CCSER1: variants seen among roughly 807,000 people sequenced by gnomAD.
The protein encoded by CCSER1 is serine-rich coiled-coil domain-containing protein 1.
CCSER1 carries 41 observed loss-of-function variants against 82.0 expected under a neutral mutation model. That is an observed-to-expected ratio of 0.50 (90% CI 0.39 to 0.65). The LOEUF (loss-of-function observed/expected upper bound fraction) is 0.65. Among genes scored for constraint, CCSER1 ranks in the 30% least tolerant of loss-of-function variants. CCSER1 has a pLI of 0.00. For missense variants in CCSER1, 1,119 were observed against 1,064.2 expected, an observed-to-expected ratio of 1.05 and a Z score of -0.72; for synonymous variants, 414 against 383.9, an observed-to-expected ratio of 1.08 and a Z score of -0.92.
intron 1 of CCSER1, among the ~76,000 whole-genome samples, chr4:90,157,692 A>G (rs943490072): frequency 1.2e-4 from 18 of 150,878 alleles, no homozygotes; most frequent in Non-Finnish European, 2.1e-4. Flanking sequence ...TGCATTCTTC[A>G]CGTAGTTCTT....
chr4:90,503,529 A>G (rs1485935531), intron 5 of CCSER1, among the ~76,000 whole-genome samples: 1 of 152,140 alleles, frequency 6.6e-6, no homozygotes, highest in Non-Finnish European at 1.5e-5. Flanking sequence ...GTCATTTAAC[A>G]TTAGGTATAT....
chr4:90,182,986 A>G (rs1344997296), intron 1 of CCSER1, among the ~76,000 whole-genome samples: 3 of 152,046 alleles, frequency 2.0e-5, no homozygotes, highest in Non-Finnish European at 4.4e-5. Flanking sequence ...ACACAAAAAT[A>G]TTTTTTATTT....
rs556309819 is a variant in CCSER1 at position 90,643,615 on chromosome 4, C to G, written c.1932+15383C>G. Among the ~76,000 whole-genome samples, 4 of 152,260 alleles carry G rather than the reference C, an allele frequency of 2.6e-5. No homozygotes were observed. The South Asian group carries it at 8.3e-4, about 32-fold the overall frequency. On this transcript the variant is annotated intron_variant, in intron 6 of 10. Coordinates refer to ENST00000509176, the MANE Select transcript of CCSER1 (RefSeq NM_001145065.2). ...GCATGGAACAGTGTTGGACACATAG[C>G]AAATGCTCAATACGTATTAGATATT... is the stretch of plus-strand genomic sequence containing the variant.
intron 10 of CCSER1, among the ~76,000 whole-genome samples, chr4:91,158,922 T>G (rs1439325020): frequency 6.6e-6 from 1 of 151,914 alleles, no homozygotes; most frequent in Admixed American, 6.6e-5. Flanking sequence ...AAAACATCAC[T>G]CCCTTTAAAC....
At chr4:91,331,963 A>C (rs948748673) in intron 10 of CCSER1, among the ~76,000 whole-genome samples, 2 of 152,150 alleles carry the variant, frequency 1.3e-5, no homozygotes, top group Admixed American at 6.6e-5. Flanking sequence ...AATTAGGCTG[A>C]TACATATACA....
chr4:90,977,022 TTGAG>T (rs1561438652), intron 9 of CCSER1, among the ~76,000 whole-genome samples: 1 of 151,506 alleles, frequency 6.6e-6, no homozygotes, highest in Non-Finnish European at 1.5e-5. Context: ...ATAGAAAAAA[TTGAG>T]TGAAGCTTCC....
At chr4:90,699,280 A>G (rs1170585925) in intron 6 of CCSER1, among the ~76,000 whole-genome samples, 1 of 152,058 alleles carries the variant, frequency 6.6e-6, no homozygotes, top group Admixed American at 6.6e-5. Context: ...GCTGGCGAAC[A>G]TGGCAAAATC....
chr4:90,437,582 T>G (rs955286700), intron 4 of CCSER1, among the ~76,000 whole-genome samples: 2 of 152,174 alleles, frequency 1.3e-5, no homozygotes, highest in Non-Finnish European at 2.9e-5. Flanking sequence ...TTCCTGGTTT[T>G]GGGAAGGTTC....
chr4:90,282,181 A>G (rs1728980694), intron 1 of CCSER1, among the ~76,000 whole-genome samples: 1 of 151,968 alleles, frequency 6.6e-6, no homozygotes, highest in African/African-American at 2.4e-5. Flanking sequence ...TTGAATAAAT[A>G]TGTTTGAGTG....
At chr4:91,169,070 C>G (rs1732477628) in intron 10 of CCSER1, among the ~76,000 whole-genome samples, 1 of 152,038 alleles carries the variant, frequency 6.6e-6, no homozygotes, top group South Asian at 2.1e-4. Context: ...TGGAAGGCCA[C>G]AGGGACCTCT....
intron 1 of CCSER1, among the ~76,000 whole-genome samples, chr4:90,141,685 A>G (rs1162770470): frequency 1.3e-5 from 2 of 152,266 alleles, no homozygotes; most frequent in Non-Finnish European, 2.9e-5. Flanking sequence ...ACTGGTAAAT[A>G]AAGTTGCAGA....
At chr4:90,750,448 A>C (rs1748412881) in intron 7 of CCSER1, among the ~76,000 whole-genome samples, 1 of 152,080 alleles carries the variant, frequency 6.6e-6, no homozygotes, top group African/African-American at 2.4e-5. Flanking sequence ...AGCTTTTCTA[A>C]GGTCCCAGAG....
chr4:91,402,758 C>A (rs1240169898), intron 10 of CCSER1, among the ~76,000 whole-genome samples: 1 of 152,092 alleles, frequency 6.6e-6, no homozygotes, highest in Non-Finnish European at 1.5e-5. Context: ...GTCTATCTCT[C>A]TGTTTTGATA....
At chr4:90,650,431 A>T (rs1274240493) in intron 6 of CCSER1, among the ~76,000 whole-genome samples, 1 of 152,162 alleles carries the variant, frequency 6.6e-6, no homozygotes, top group Non-Finnish European at 1.5e-5. Flanking sequence ...TAGTTTGGAC[A>T]CCAGACTTGT....
At chr4:90,264,966 T>C (rs947700545) in intron 1 of CCSER1, among the ~76,000 whole-genome samples, 3 of 152,070 alleles carry the variant, frequency 2.0e-5, no homozygotes, top group Non-Finnish European at 4.4e-5. Context: ...GACTATTTTA[T>C]TTTAAATTGA....
chr4:90,389,883 A>G (rs767268669), intron 3 of CCSER1, among the ~76,000 whole-genome samples: 8 of 152,162 alleles, frequency 5.3e-5, no homozygotes, highest in Non-Finnish European at 1.0e-4. Context: ...GCTGGTCTCC[A>G]ACTCTTGGCC....
Position 90,200,298 on chromosome 4 carries a change from A to G in CCSER1, c.-42+72467A>G, listed in dbSNP as rs1737439163. 2.0e-5 allele frequency among the ~76,000 whole-genome samples: 3 copies of G among 152,178 alleles called. No individual in the cohort carries two copies. The South Asian group carries it at 6.2e-4, about 32-fold the overall frequency. ...TTAATTCTTTCTGAGACTGCCCTCT[A>G]AATTCTACTGAGGATTATGTAATTA... is the stretch of plus-strand genomic sequence containing the variant. On this transcript the variant is annotated intron_variant, in intron 1 of 10. Transcript: ENST00000509176.
chr4:90,890,140 T>G (rs966949867), intron 8 of CCSER1, among the ~76,000 whole-genome samples: 3 of 152,164 alleles, frequency 2.0e-5, no homozygotes, highest in Admixed American at 6.6e-5. Context: ...ACAGTGATTA[T>G]AAGAAACAAC....
intron 6 of CCSER1, among the ~76,000 whole-genome samples, chr4:90,684,623 A>C (rs866739876): frequency 6.6e-6 from 1 of 152,214 alleles, no homozygotes; most frequent in Non-Finnish European, 1.5e-5. Context: ...GTTATTCATT[A>C]ATATAATTAG....
Sources: gnomAD v4.1 joint callset for allele counts (sites outside exome capture counted in the v4.1 genomes callset) on GRCh38, gnomAD v4.1.1 for gene constraint, MANE v1.5 for transcripts, NCBI Gene and HGNC (gene_info 2026-07-23, HGNC 2026-07-21) for gene names.